CCSER1: variants seen among roughly 807,000 people sequenced by gnomAD.
CCSER1 encodes serine-rich coiled-coil domain-containing protein 1.
Under a neutral mutation model 82.0 loss-of-function variants are expected in CCSER1, and 41 were observed. That is an observed-to-expected ratio of 0.50 (90% CI 0.39 to 0.65). The LOEUF is 0.65. Ranked by LOEUF, CCSER1 falls within the 30% of genes least tolerant of loss-of-function variation. The pLI is 0.00. For synonymous variants in CCSER1, 414 were observed against 383.9 expected (o/e 1.08, Z -0.92); for missense variants, 1,119 against 1,064.2 (o/e 1.05, Z -0.72).
chr4:90,931,389 G>C (rs998066448), intron 9 of CCSER1, among the ~76,000 whole-genome samples: 15 of 120,390 alleles, frequency 1.2e-4, no homozygotes, highest in Admixed American at 1.1e-3. Context: ...ATAACTATTA[G>C]CTAGGAATAT....
At chr4:90,551,965 A>G (rs1272186778) in intron 5 of CCSER1, among the ~76,000 whole-genome samples, 1 of 152,004 alleles carries the variant, frequency 6.6e-6, no homozygotes, top group East Asian at 1.9e-4. Flanking sequence ...CTCTGTTTTC[A>G]AAGTGGCACC....
intron 9 of CCSER1, among the ~76,000 whole-genome samples, chr4:91,022,424 G>A (rs1215701086): frequency 6.6e-6 from 1 of 152,062 alleles, no homozygotes. Context: ...GGACATTTGG[G>A]TTGGTTCCAA....
chr4:91,040,598 A>C (rs922622292), intron 9 of CCSER1, among the ~76,000 whole-genome samples: 7 of 152,326 alleles, frequency 4.6e-5, no homozygotes, highest in Admixed American at 3.9e-4. Context: ...TGCACAAAAG[A>C]TGTGCAAGCC....
chr4:91,376,054 G>A (rs140624098), intron 10 of CCSER1, among the ~76,000 whole-genome samples: 2,986 of 152,004 alleles, frequency 0.02, 75 homozygotes, highest in African/African-American at 0.067. Context: ...TTAACTATGT[G>A]GAAAACATAA....
chr4:90,569,017 G>A lies in CCSER1; in HGVS notation c.1725-59008G>A, dbSNP rs191568388. On this transcript the variant is annotated intron_variant, in intron 5 of 10. Coordinates refer to ENST00000509176, the MANE Select transcript of CCSER1 (RefSeq NM_001145065.2). ...TCCTGACCTCAGGTGATCCCAAAGT[G>A]CTGGGATTACAGGCATGAGCCACCA... 4.3e-4 allele frequency among the ~76,000 whole-genome samples: 62 copies of A among 144,044 alleles called. 2 individuals are homozygous for A. In the East Asian group the frequency reaches 0.011, roughly 26 times the overall value. 94.5% of individuals were successfully genotyped at this position (144,044 alleles called of 152,430 possible). A position where few individuals can be genotyped will look rare whatever the true frequency, so the allele number is the denominator to read the frequency against.
intron 1 of CCSER1, among the ~76,000 whole-genome samples, chr4:90,280,459 G>A (rs2153460113): frequency 6.6e-6 from 1 of 151,280 alleles, no homozygotes; most frequent in East Asian, 2.0e-4. Context: ...GATAAGCATT[G>A]TCACAGCTCT....
At chr4:90,302,308 A>T (rs927550943) in intron 1 of CCSER1, among the ~76,000 whole-genome samples, 3 of 152,178 alleles carry the variant, frequency 2.0e-5, no homozygotes, top group South Asian at 4.1e-4. Flanking sequence ...ATACTTGAGG[A>T]TATGTAAAGG....
intron 10 of CCSER1, among the ~76,000 whole-genome samples, chr4:91,450,572 G>A (rs763624991): frequency 2.5e-4 from 38 of 152,114 alleles, no homozygotes; most frequent in Non-Finnish European, 4.3e-4. Flanking sequence ...CTGGCTTGCT[G>A]TCTGCAGAGT....
intron 10 of CCSER1, among the ~76,000 whole-genome samples, chr4:91,572,114 G>T (rs1344402013): frequency 6.6e-6 from 1 of 152,048 alleles, no homozygotes; most frequent in African/African-American, 2.4e-5. Flanking sequence ...AGAGCTGGAG[G>T]ATCTGCCCAG....
chr4:90,448,229 T>G (rs1414554488), intron 4 of CCSER1, among the ~76,000 whole-genome samples: 1 of 151,716 alleles, frequency 6.6e-6, no homozygotes, highest in Non-Finnish European at 1.5e-5. Context: ...CATACATGTT[T>G]TCTTAGAATG....
intron 5 of CCSER1, among the ~76,000 whole-genome samples, chr4:90,512,812 G>A (rs1251656004): frequency 3.3e-5 from 5 of 151,918 alleles, no homozygotes; most frequent in African/African-American, 1.2e-4. Context: ...CATTATAGTA[G>A]GAAACAATAC....
intron 10 of CCSER1, among the ~76,000 whole-genome samples, chr4:91,388,436 C>T (rs1378486210): frequency 6.6e-6 from 1 of 152,032 alleles, no homozygotes; most frequent in Non-Finnish European, 1.5e-5. Flanking sequence ...AACACAATTG[C>T]TGGAACATAG....
intron 7 of CCSER1, among the ~76,000 whole-genome samples, chr4:90,765,132 G>T (rs542596561): frequency 1.3e-5 from 2 of 151,996 alleles, no homozygotes; most frequent in Non-Finnish European, 2.9e-5. Context: ...CAAATAGGTC[G>T]CTAACTCACT....
At chr4:91,136,826 C>G (rs931266673) in intron 10 of CCSER1, among the ~76,000 whole-genome samples, 1 of 151,898 alleles carries the variant, frequency 6.6e-6, no homozygotes, top group South Asian at 2.1e-4. Context: ...TCAACTTATA[C>G]AATATGAGAA....
intron 9 of CCSER1, among the ~76,000 whole-genome samples, chr4:90,967,353 G>T (rs1003089731): frequency 6.6e-6 from 1 of 151,796 alleles, no homozygotes; most frequent in African/African-American, 2.4e-5. Context: ...GGAGGCTGAG[G>T]CAGGAGAATC....
chr4:90,718,883 A>G (rs1742161095), intron 6 of CCSER1, among the ~76,000 whole-genome samples: 3 of 152,120 alleles, frequency 2.0e-5, no homozygotes, highest in African/African-American at 2.4e-5. Flanking sequence ...TTATCATCCA[A>G]CCTCAGCAGA....
intron 4 of CCSER1, among the ~76,000 whole-genome samples, chr4:90,443,653 T>C (rs1347416838): frequency 1.3e-5 from 2 of 152,094 alleles, no homozygotes; most frequent in Non-Finnish European, 2.9e-5. Context: ...AAGGATAAAA[T>C]ATATTTTATA....
chr4:90,833,575 C>T (rs188821611), intron 8 of CCSER1, among the ~76,000 whole-genome samples: 11 of 152,210 alleles, frequency 7.2e-5, no homozygotes, highest in African/African-American at 1.4e-4. Flanking sequence ...AAATACATTT[C>T]GTTTGTTCAC....
chr4:91,230,995 A>G (rs1447817962), intron 10 of CCSER1, among the ~76,000 whole-genome samples: 1 of 151,838 alleles, frequency 6.6e-6, no homozygotes, highest in Non-Finnish European at 1.5e-5. Flanking sequence ...AAAATAAAAC[A>G]CTCACATATT....
Sources: allele counts gnomAD v4.1 joint callset (sites outside exome capture counted in the v4.1 genomes callset), GRCh38; gene constraint gnomAD v4.1.1; transcripts MANE v1.5; gene names NCBI Gene and HGNC (gene_info 2026-07-23, HGNC 2026-07-21).